The following KRT27 variants were observed in gnomAD, a reference collection of about 807,000 sequenced individuals.
The protein encoded by KRT27 is keratin, type I cytoskeletal 27.
A neutral mutation model predicts 45.3 loss-of-function variants in KRT27; 30 were observed. That is an observed-to-expected ratio of 0.66 (90% CI 0.50 to 0.90). KRT27 has a LOEUF of 0.90. KRT27 is among the 40% of genes least tolerant of loss of function. KRT27 has a pLI of 0.00. For synonymous variants in KRT27, 204 were observed against 223.9 expected, an observed-to-expected ratio of 0.91 and a Z score of 0.79; for missense variants, 610 against 564.3, an observed-to-expected ratio of 1.08 and a Z score of -0.82.
In KRT27 at chr17:40,777,297, C is replaced by T. The variant is rs1454397237; in HGVS notation, c.1196G>A (p.Cys399Tyr). 6.2e-7 allele frequency: 1 copy of T among 1,612,134 alleles called. No homozygotes were observed. Among genetic ancestry groups the T allele is most frequent in the Admixed American group, 1.7e-5 (1 of 59,564 alleles). ...CLLIDGEDGS[C>Y]SKSKGYGGPG... ...GCCTCCATAGCCTTTTGATTTAGAA[C>T]AGGAGCTGTAAAAGTATAGAGCGCT... Residue 399 changes from cysteine (C) to tyrosine (Y), a missense_variant, in exon 7 of 8, where the codon TGT becomes TAT. Coordinates refer to ENST00000301656, the MANE Select transcript of KRT27 (RefSeq NM_181537.4).
chr17:40,780,563 A>T, intron 2 of KRT27, 107 bp from the exon 3 acceptor site: 1 of 1,081,108 alleles, frequency 9.2e-7, no homozygotes, highest in Non-Finnish European at 1.3e-6. Flanking sequence ...CTACTAAGAT[A>T]ATACTTAAAA....
In KRT27 at chr17:40,777,244, T is replaced by G. The variant is rs900081418; in HGVS notation, c.1240+9A>C. On this transcript the variant is annotated intron_variant, in intron 7 of 7. Transcript: ENST00000301656. ...TAAACACTGAATGCCTAACACAGCT[T>G]TTGTTTACCTTTTGTTTGATTTCCT... 13 of 1,613,698 alleles carry G rather than the reference T, an allele frequency of 8.1e-6. No homozygotes were observed. In the African/African-American group the frequency reaches 1.5e-4, roughly 18 times the overall value.
intron 5 of KRT27, among the ~76,000 whole-genome samples, chr17:40,778,187 C>T (rs1304202821): frequency 2.0e-5 from 3 of 152,234 alleles, no homozygotes; most frequent in African/African-American, 7.2e-5. Flanking sequence ...CATAAACGTT[C>T]CATGAGTAGA....
At chr17:40,780,264 A>G (rs1241656894) in intron 3 of KRT27, 36 bp downstream of exon 3, 3 of 1,559,808 alleles carry the variant, frequency 1.9e-6, no homozygotes, top group Non-Finnish European at 2.6e-6. Context: ...TTTGGTAGGG[A>G]GGCGATTGTG....
intron 5 of KRT27, among the ~76,000 whole-genome samples, chr17:40,778,275 T>C (rs930412171): frequency 1.3e-5 from 2 of 152,234 alleles, no homozygotes; most frequent in African/African-American, 4.8e-5. Flanking sequence ...TCTGAATGGG[T>C]TTACAGATAT....
chr17:40,780,582 C>G, intron 2 of KRT27, 126 bp from the exon 3 acceptor site: 1 of 869,562 alleles, frequency 1.2e-6, no homozygotes, highest in Non-Finnish European at 1.7e-6. Context: ...AACTTCAGGC[C>G]GGGCGCGGTG....
Position 40,782,224 on chromosome 17 carries a change from G to A in KRT27, c.270C>T (p.Asn90=), listed in dbSNP as rs765944359. The change falls in exon 1 of 8, where the codon AAC becomes AAT. Residue 90 remains asparagine (N), a synonymous_variant. Transcript: ENST00000301656. ...GGTAGGAGGCCAAGCGGTCGTTGAG[G>A]TTCTGCATGGTCACCTTCTCATTGC... ...LSGNEKVTMQ[N]LNDRLASYLE... is the part of the protein sequence containing the mutation. 1.9e-6 allele frequency: 3 copies of A among 1,614,204 alleles called. No homozygotes were observed. In the South Asian group the frequency reaches 3.3e-5, roughly 18 times the overall value.
In KRT27 at chr17:40,782,138, C is replaced by T. The variant is rs1197980078; in HGVS notation, c.356G>A (p.Trp119Ter). The T allele has an allele frequency of 6.2e-7, 1 of 1,614,032 alleles. No homozygotes were observed. Among genetic ancestry groups the T allele is most frequent in the Non-Finnish European group, 8.5e-7 (1 of 1,180,036 alleles). The change falls in exon 1 of 8, where the codon TGG (tryptophan) becomes TAG (stop). Residue 119 changes from tryptophan to a stop codon, truncating the protein, a stop_gained. Transcript: ENST00000301656. LOFTEE classifies it high-confidence loss of function. ...AGAACCAGGTCCAAATTTCTCATACCACCCCTTGATCTTCTGCTCCAAGTC... is the reference window on the plus strand; with the variant it reads ...AGAACCAGGTCCAAATTTCTCATACTACCCCTTGATCTTCTGCTCCAAGTC... Reference protein sequence around the residue: ...NADLEQKIKGWYEKFGPGSCR... With the variant: ...NADLEQKIKG
chr17:40,782,130 T>C lies in KRT27; in HGVS notation c.364A>G (p.Lys122Glu), dbSNP rs1377812300. 2 of 1,614,030 alleles carry C rather than the reference T, an allele frequency of 1.2e-6. No homozygotes were observed. Among genetic ancestry groups the C allele is most frequent in the Non-Finnish European group, 1.7e-6 (2 of 1,180,036 alleles). Reference sequence around the variant, plus strand: ...CCACGGCAAGAACCAGGTCCAAATTTCTCATACCACCCCTTGATCTTCTGC... The same window carrying C: ...CCACGGCAAGAACCAGGTCCAAATTCCTCATACCACCCCTTGATCTTCTGC... ...LEQKIKGWYE[K>E]FGPGSCRGLD... The change falls in exon 1 of 8, where the codon AAA becomes GAA. Residue 122 changes from lysine to glutamate, a missense_variant. Physicochemically the swap from Lys to Glu is moderately conservative, Grantham distance 56. Coordinates refer to ENST00000301656, the MANE Select transcript of KRT27 (RefSeq NM_181537.4).
In KRT27 at chr17:40,776,933, T is replaced by A; in HGVS notation, c.*66A>T. On this transcript the variant is annotated 3_prime_UTR_variant, in exon 8 of 8. Coordinates refer to ENST00000301656, the MANE Select transcript of KRT27 (RefSeq NM_181537.4). ...AAAAGCAGAAAAATAAGGGGACCCTTATTTAGGAAACTAGCTTCATTTTGG... is the reference window on the plus strand; with the variant it reads ...AAAAGCAGAAAAATAAGGGGACCCTAATTTAGGAAACTAGCTTCATTTTGG... 4 of 1,453,522 alleles carry A rather than the reference T, an allele frequency of 2.8e-6. No individual in the cohort carries two copies. The highest frequency in any genetic ancestry group is 3.8e-6 in the Non-Finnish European group (4 of 1,063,866). 90.0% of individuals were successfully genotyped at this position (1,453,522 alleles called of 1,614,324 possible). A position where few individuals can be genotyped will look rare whatever the true frequency, so the allele number is the denominator to read the frequency against.
At position 40,777,109 on chromosome 17, in the gene KRT27, C is replaced by A. The variant is rs544718057; in HGVS notation, c.1270G>T (p.Val424Phe). Residue 424 changes from valine (V) to phenylalanine (F), a missense_variant, in exon 8 of 8, where the codon GTT (valine) becomes TTT (phenylalanine). Val to Phe is a conservative substitution (Grantham distance 50, BLOSUM62 -1). Transcript: ENST00000301656. The part of the protein sequence containing the change: ...DSSKTTIVKT[V>F]VEEIDPRGKV... Reference sequence around the variant, plus strand: ...CCACGAGGATCTATCTCTTCAACAACTGTTTTGACAATGGTGGTTTTAGAT... The same window carrying A: ...CCACGAGGATCTATCTCTTCAACAAATGTTTTGACAATGGTGGTTTTAGAT... 1 of 1,613,970 alleles carries A rather than the reference C, an allele frequency of 6.2e-7. No individual in the cohort carries two copies. The highest frequency in any genetic ancestry group is 1.3e-5 in the African/African-American group (1 of 75,054).
rs193258923 is a variant in KRT27 at position 40,781,556 on chromosome 17, A to G, written c.445-286T>C. 4.1e-4 allele frequency among the ~76,000 whole-genome samples: 62 copies of G among 152,320 alleles called. 1 individual carries two copies. Among genetic ancestry groups the G allele is most frequent in the East Asian group, 2.3e-3 (12 of 5,186 alleles). ...GTGATTCTCCTGCCTCAGCCTCCCA[A>G]GTAGCTGGGATTACAGGCATGTGCC... On this transcript the variant is annotated intron_variant, in intron 1 of 7. Coordinates refer to ENST00000301656, the MANE Select transcript of KRT27 (RefSeq NM_181537.4).
At position 40,780,464 on chromosome 17, in the gene KRT27, A is replaced by G. The variant is rs751632035; in HGVS notation, c.528-8T>C. On this transcript the variant is annotated splice_polypyrimidine_tract_variant and splice_region_variant and intron_variant, in intron 2 of 7. Coordinates refer to ENST00000301656, the MANE Select transcript of KRT27 (RefSeq NM_181537.4). Reference sequence around the variant, plus strand: ...GCTAGCTCGTTTTCAAACCTTAGAAAAGTATTTGGAAGTTTCATCATTAGT... The same window carrying G: ...GCTAGCTCGTTTTCAAACCTTAGAAGAGTATTTGGAAGTTTCATCATTAGT... 3.7e-6 allele frequency: 6 copies of G among 1,611,658 alleles called. 2 individuals carry two copies. The South Asian group carries it at 6.6e-5, about 18-fold the overall frequency.
Position 40,780,430 on chromosome 17 carries a change from T to C in KRT27, c.554A>G (p.Gln185Arg), listed in dbSNP as rs747637704. The C allele has an allele frequency of 1.4e-5, 22 of 1,613,796 alleles. No homozygotes were observed. The highest frequency in any genetic ancestry group is 2.5e-6 in the Non-Finnish European group (3 of 1,179,990). The change falls in exon 3 of 8, where the codon CAG becomes CGG. Residue 185 changes from glutamine to arginine, a missense_variant. Transcript: ENST00000301656. ...LKFENELALH[Q>R]SVEADINGLR... ...ACCATTGATGTCCGCCTCCACGCTC[T>C]GGTGAAGCGCTAGCTCGTTTTCAAA...
rs764668521 is a variant in KRT27 at position 40,779,819 on chromosome 17, C to T, written c.727G>A (p.Val243Met). 8 of 1,613,942 alleles carry T rather than the reference C, an allele frequency of 5.0e-6. No homozygotes were observed. The highest frequency in any genetic ancestry group is 2.7e-5 in the African/African-American group (2 of 74,932). ...ACCCCGGGGGCCGCGTTCATCTCCA[C>T]GTTCACGTTGCCTCCAGCCGCGCAC... ...LQCAAGGNVNVEMNAAPGVDL... is the reference protein window; with the variant it reads ...LQCAAGGNVNMEMNAAPGVDL... The change falls in exon 4 of 8, where the codon GTG becomes ATG. Residue 243 changes from valine (V) to methionine (M), a missense_variant. By Grantham distance (21) the Val-to-Met change is conservative. Coordinates refer to ENST00000301656, the MANE Select transcript of KRT27 (RefSeq NM_181537.4).
In KRT27 at chr17:40,779,869, A is replaced by G. The variant is rs77854608; in HGVS notation, c.685-8T>C. ...CTGAAGAGCTTTCATTTCCTGAAAG[A>G]TATTTGTTTAACGGAATTAGGATCT... On this transcript the variant is annotated splice_polypyrimidine_tract_variant and splice_region_variant and intron_variant, in intron 3 of 7. Transcript: ENST00000301656. 3,157 of 1,600,998 alleles carry G rather than the reference A, an allele frequency of 2.0e-3. 71 individuals are homozygous for G. The African/African-American group carries it at 0.039, about 20-fold the overall frequency.
chr17:40,778,598 G>A (rs1244451083), intron 5 of KRT27, among the ~76,000 whole-genome samples: 3 of 152,290 alleles, frequency 2.0e-5, no homozygotes, highest in South Asian at 2.1e-4. Context: ...CCCATGCCCC[G>A]GGGTTGTTGT....
chr17:40,779,549 GTTT>G lies in KRT27; in HGVS notation c.922_924del (p.Lys308del). On this transcript the variant is annotated inframe_deletion, in exon 5 of 8. Coordinates refer to ENST00000301656, the MANE Select transcript of KRT27 (RefSeq NM_181537.4). ...TCAATCTCAAGGGTTTGAAGAGTGCGTTTCATCTCGATAAGCTCATTCCGGGCT... is the reference window on the plus strand; with the variant it reads ...TCAATCTCAAGGGTTTGAAGAGTGCGCATCTCGATAAGCTCATTCCGGGCT... The G allele has an allele frequency of 6.2e-7, 1 of 1,614,232 alleles. No homozygotes were observed. Among genetic ancestry groups the G allele is most frequent in the Non-Finnish European group, 8.5e-7 (1 of 1,180,028 alleles).
At chr17:40,777,912 A>G (rs2144157596) in intron 5 of KRT27, 180 bp from the exon 6 acceptor site, 1 of 677,884 alleles carries the variant, frequency 1.5e-6, no homozygotes, top group East Asian at 2.8e-5. Flanking sequence ...CTACTTTTCT[A>G]TTTGAGAATG....
Sources: gnomAD v4.1 joint callset for allele counts (sites outside exome capture counted in the v4.1 genomes callset) on GRCh38, gnomAD v4.1.1 for gene constraint, MANE v1.5 for transcripts, NCBI Gene and HGNC (gene_info 2026-07-23, HGNC 2026-07-21) for gene names.